KIRREL3: variants seen among roughly 807,000 people sequenced by gnomAD.
The protein encoded by KIRREL3 is kirre like nephrin family adhesion molecule 3.
In KIRREL3, 36 loss-of-function variants were observed where a neutral mutation model predicts 89.7. That is an observed-to-expected ratio of 0.40 (90% confidence interval 0.31 to 0.53). The LOEUF is 0.53. Ranked by LOEUF, KIRREL3 falls within the 20% of genes least tolerant of loss-of-function variation. KIRREL3 has a pLI of 0.49. For missense variants in KIRREL3, 864 were observed against 1,056.6 expected (o/e 0.82, Z 2.53); for synonymous variants, 445 against 441.4 (o/e 1.01, Z -0.10).
intron 4 of KIRREL3, among the ~76,000 whole-genome samples, chr11:126,493,438 G>A (rs373230873): frequency 6.6e-6 from 1 of 151,950 alleles, no homozygotes; most frequent in African/African-American, 2.4e-5. Context: ...GATGGATCAC[G>A]AGGTCAGGAG....
chr11:126,460,945 G>T (rs1336962472), intron 6 of KIRREL3, among the ~76,000 whole-genome samples: 2 of 152,248 alleles, frequency 1.3e-5, no homozygotes, highest in African/African-American at 2.4e-5. Context: ...GGCTGGGGAA[G>T]AAGCGAGGGT....
Position 126,736,409 on chromosome 11 carries a change from C to A in KIRREL3, c.56-173497G>T, listed in dbSNP as rs80221865. 0.01 allele frequency among the ~76,000 whole-genome samples: 1,573 copies of A among 152,240 alleles called. 13 individuals carry two copies. Among genetic ancestry groups the A allele is most frequent in the Non-Finnish European group, 0.016 (1,069 of 68,018 alleles). On this transcript the variant is annotated intron_variant, in intron 1 of 16. Transcript: ENST00000525144. The surrounding 1 kb of genome is among the most constrained non-coding windows in gnomAD (Gnocchi z 5.0). ...CAGAGCCAGGATTTGATGAGAGGTC[C>A]CCGTGACATTTCAACCCAAGCTGTT...
chr11:126,580,094 C>G (rs2134662501), intron 1 of KIRREL3, among the ~76,000 whole-genome samples: 1 of 152,310 alleles, frequency 6.6e-6, no homozygotes, highest in African/African-American at 2.4e-5. Context: ...ATCCACCCAC[C>G]TCTGCCTCCC....
chr11:126,790,275 C>T (rs1182808664), intron 1 of KIRREL3, among the ~76,000 whole-genome samples: 4 of 152,214 alleles, frequency 2.6e-5, no homozygotes, highest in Non-Finnish European at 5.9e-5. Flanking sequence ...ACTCGGTCCA[C>T]ATGCTCTGTT....
Position 126,766,910 on chromosome 11 carries a change from G to A in KIRREL3, c.56-203998C>T, listed in dbSNP as rs1949841937. On this transcript the variant is annotated intron_variant, in intron 1 of 16. Transcript: ENST00000525144. This position sits in a 1 kb window ranked among gnomAD's most constrained non-coding sequence, Gnocchi z 4.2. ...GGCAAAGTGAGGCACAGAGGGCTGG[G>A]GTCTATTACAAAGAGCTAGTCATGT... Among the ~76,000 whole-genome samples, 1 of 152,176 alleles carries A rather than the reference G, an allele frequency of 6.6e-6. No individual in the cohort carries two copies. The highest frequency in any genetic ancestry group is 2.1e-4 in the South Asian group (1 of 4,822).
intron 1 of KIRREL3, among the ~76,000 whole-genome samples, chr11:126,895,160 T>C (rs1292431929): frequency 6.6e-6 from 1 of 152,082 alleles, no homozygotes; most frequent in African/African-American, 2.4e-5. Context: ...CGGAGCTTCC[T>C]TCTTGTGAAA....
At chr11:126,478,662 T>C (rs946367050) in intron 4 of KIRREL3, among the ~76,000 whole-genome samples, 1 of 152,058 alleles carries the variant, frequency 6.6e-6, no homozygotes, top group Admixed American at 6.5e-5. Context: ...TGTGTATATG[T>C]ATATATGTAT....
intron 1 of KIRREL3, among the ~76,000 whole-genome samples, chr11:126,901,894 A>G (rs1156790824): frequency 1.3e-5 from 2 of 152,230 alleles, no homozygotes; most frequent in African/African-American, 4.8e-5. Flanking sequence ...AACTAATGCC[A>G]TCCTAGAGTT....
rs979879432 is a variant in KIRREL3 at position 126,563,540 on chromosome 11, C to T, written c.56-628G>A. ...ATTCCTGTGCCTTCCTATATCAAGG[C>T]CCAATTTAGCACCATCATCAAGCAC... On this transcript the variant is annotated intron_variant, in intron 1 of 16. Transcript: ENST00000525144. This position sits in a 1 kb window ranked among gnomAD's most constrained non-coding sequence, Gnocchi z 6.8. 1.3e-5 allele frequency among the ~76,000 whole-genome samples: 2 copies of T among 152,022 alleles called. No individual in the cohort carries two copies. Among genetic ancestry groups the T allele is most frequent in the South Asian group, 4.2e-4 (2 of 4,816 alleles).
At chr11:126,806,767 T>A (rs1951216338) in intron 1 of KIRREL3, among the ~76,000 whole-genome samples, 1 of 152,162 alleles carries the variant, frequency 6.6e-6, no homozygotes, top group African/African-American at 2.4e-5. Context: ...GCTGCACCCA[T>A]CAACCCATCA....
chr11:126,764,337 GA>G lies in KIRREL3; in HGVS notation c.56-201426del, dbSNP rs576730163. On this transcript the variant is annotated intron_variant, in intron 1 of 16. Transcript: ENST00000525144. This position sits in a 1 kb window ranked among gnomAD's most constrained non-coding sequence, Gnocchi z 4.2. ...CCTCTTTCTTAGCTAGATACAGATG[GA>G]AAAAAAAAATGACAGCATTGGGCTG... 6.0e-5 allele frequency among the ~76,000 whole-genome samples: 9 copies of G among 149,108 alleles called. No homozygotes were observed. The highest frequency in any genetic ancestry group is 4.3e-4 in the South Asian group (2 of 4,690).
rs1940222268 is a variant in KIRREL3 at position 126,562,775 on chromosome 11, G to A, written c.133+60C>T. On this transcript the variant is annotated intron_variant, in intron 2 of 16. Coordinates refer to ENST00000525144, the MANE Select transcript of KIRREL3 (RefSeq NM_032531.4). The surrounding 1 kb of genome is among the most constrained non-coding windows in gnomAD (Gnocchi z 4.7). ...TTCCTGGTTCCTCTGTCCTGTGGCTGTAGGGGAGAGCTTCCTCCCTCCAGA... is the reference window on the plus strand; with the variant it reads ...TTCCTGGTTCCTCTGTCCTGTGGCTATAGGGGAGAGCTTCCTCCCTCCAGA... The A allele has an allele frequency of 3.6e-6, 5 of 1,398,254 alleles. No individual in the cohort carries two copies. The African/African-American group carries it at 5.7e-5, about 16-fold the overall frequency. 86.6% of individuals were successfully genotyped at this position (1,398,254 alleles called of 1,614,324 possible).
At chr11:126,743,904 A>C (rs1447177665) in intron 1 of KIRREL3, among the ~76,000 whole-genome samples, 1 of 152,216 alleles carries the variant, frequency 6.6e-6, no homozygotes, top group Non-Finnish European at 1.5e-5. Flanking sequence ...GACCCACAGC[A>C]TGCATGCATG....
At chr11:126,552,605 C>T (rs572365094) in intron 2 of KIRREL3, among the ~76,000 whole-genome samples, 12 of 118,568 alleles carry the variant, frequency 1.0e-4, no homozygotes, top group East Asian at 2.5e-4. Flanking sequence ...GCTGTTGCTC[C>T]GGCTGAAGTG....
rs79303960 is a variant in KIRREL3, at chr11:126,432,310, C to T, written c.1589-784G>A. 2.0e-3 allele frequency among the ~76,000 whole-genome samples: 298 copies of T among 152,238 alleles called. No homozygotes were observed. Among genetic ancestry groups the T allele is most frequent in the Non-Finnish European group, 3.3e-3 (223 of 68,006 alleles). On this transcript the variant is annotated intron_variant, in intron 13 of 16. Transcript: ENST00000525144. This position sits in a 1 kb window ranked among gnomAD's most constrained non-coding sequence, Gnocchi z 6.2. Reference sequence around the variant, plus strand: ...TCTGTGGCCTGTCTCCTGCCCAAGCCGAGTGGGGGTAGGGACAGGGAGGGT... The same window carrying T: ...TCTGTGGCCTGTCTCCTGCCCAAGCTGAGTGGGGGTAGGGACAGGGAGGGT...
intron 1 of KIRREL3, among the ~76,000 whole-genome samples, chr11:126,828,549 G>A (rs994845894): frequency 1.3e-5 from 2 of 152,116 alleles, no homozygotes; most frequent in East Asian, 1.9e-4. Flanking sequence ...GGGAGTGGGG[G>A]GCAAGACAGG....
intron 4 of KIRREL3, among the ~76,000 whole-genome samples, chr11:126,517,474 G>T (rs1958456592): frequency 6.6e-6 from 1 of 152,104 alleles, no homozygotes; most frequent in Admixed American, 6.5e-5. Context: ...CTAGGTCTAT[G>T]TGGAAGCTGG....
intron 1 of KIRREL3, among the ~76,000 whole-genome samples, chr11:126,634,220 A>T (rs1464078049): frequency 6.6e-6 from 1 of 152,152 alleles, no homozygotes; most frequent in Non-Finnish European, 1.5e-5. Flanking sequence ...GTGGAATCAG[A>T]CCCTACTCTA....
chr11:126,563,170 G>A lies in KIRREL3; in HGVS notation c.56-258C>T, dbSNP rs891821659. The stretch of plus-strand genomic sequence containing the variant: ...CATTTATAGATATATGAAGTTAGTG[G>A]CACTGGATGAAAGAGCTAGCAGGTG... On this transcript the variant is annotated intron_variant, in intron 1 of 16. Transcript: ENST00000525144. The surrounding 1 kb of genome is among the most constrained non-coding windows in gnomAD (Gnocchi z 6.8). Among the ~76,000 whole-genome samples the A allele has an allele frequency of 6.6e-6, 1 of 152,200 alleles. No homozygotes were observed.
Sources: gnomAD v4.1 joint callset for allele counts (sites outside exome capture counted in the v4.1 genomes callset) on GRCh38, gnomAD v4.1.1 for gene constraint, Gnocchi (gnomAD v3.1) non-coding constraint, MANE v1.5 for transcripts, NCBI Gene and HGNC (gene_info 2026-07-23, HGNC 2026-07-21) for gene names.